Variants in NF1 observed in about 807,000 individuals in gnomAD.
The protein encoded by NF1 is neurofibromin.
Under a neutral mutation model 325.7 loss-of-function variants are expected in NF1, and 122 were observed. The ratio of observed to expected loss-of-function variants is 0.37; its 90% CI spans 0.32 to 0.44. The LOEUF (loss-of-function observed/expected upper bound fraction) is 0.44, where lower values mean the gene tolerates loss of function less well. Ranked by LOEUF, NF1 falls within the 20% of genes least tolerant of loss-of-function variation. NF1 has a pLI of 1.00. For missense variants in NF1, 2,140 were observed against 3,415.4 expected (o/e 0.63, Z 9.31); for synonymous variants, 1,091 against 1,186.0 (o/e 0.92, Z 1.65).
At position 31,226,415 on chromosome 17, in the gene NF1, C is replaced by T. The variant is rs763989407; in HGVS notation, c.2002-20C>T. 1.9e-6 allele frequency: 3 copies of T among 1,610,340 alleles called. No individual in the cohort carries two copies. The East Asian group carries it at 6.7e-5, about 36-fold the overall frequency. On this transcript the variant is annotated intron_variant, in intron 17 of 57. Coordinates refer to ENST00000358273, the MANE Select transcript of NF1 (RefSeq NM_001042492.3). ...AATTACCCAAGTTGCAAATATATGT[C>T]TTCCACCCTTGACTCTCAGGATAGT...
intron 5 of NF1, among the ~76,000 whole-genome samples, chr17:31,178,221 C>G (rs2066059679): frequency 6.6e-6 from 1 of 152,158 alleles, no homozygotes; most frequent in Non-Finnish European, 1.5e-5. Context: ...ATTCAACATT[C>G]TTAAAGAAAA....
intron 57 of NF1, among the ~76,000 whole-genome samples, chr17:31,372,602 C>T (rs1486839008): frequency 1.3e-5 from 2 of 152,140 alleles, no homozygotes; most frequent in Non-Finnish European, 2.9e-5. Context: ...TCACTACTTC[C>T]GCAAGGGTGA....
In NF1 at chr17:31,163,264, A is replaced by G. The variant is rs587781757; in HGVS notation, c.367A>G (p.Thr123Ala). The G allele has an allele frequency of 8.7e-6, 14 of 1,614,004 alleles. No homozygotes were observed. Among genetic ancestry groups the G allele is most frequent in the Admixed American group, 1.7e-5 (1 of 60,002 alleles). ...LLPEICHFLH[T>A]CREGNQHAAE... is the part of the protein sequence containing the mutation. Reference sequence around the variant, plus strand: ...GCCAGAAATCTGCCATTTTCTTCACACCTGTCGTGAAGGAAACCAGCATGC... The same window carrying G: ...GCCAGAAATCTGCCATTTTCTTCACGCCTGTCGTGAAGGAAACCAGCATGC... The change falls in exon 4 of 58, where the codon ACC becomes GCC. Residue 123 changes from threonine to alanine, a missense_variant. Thr to Ala is a moderately conservative substitution (Grantham distance 58, BLOSUM62 0). Coordinates refer to ENST00000358273, the MANE Select transcript of NF1 (RefSeq NM_001042492.3).
chr17:31,334,435 ACT>A (rs17879628), intron 39 of NF1, among the ~76,000 whole-genome samples: 45 of 152,296 alleles, frequency 3.0e-4, no homozygotes, highest in African/African-American at 1.1e-3. Context: ...ATGTACATTA[ACT>A]CTACATAAAT....
At chr17:31,111,612 G>A (rs1213893905) in intron 1 of NF1, among the ~76,000 whole-genome samples, 1 of 152,112 alleles carries the variant, frequency 6.6e-6, no homozygotes, top group African/African-American at 2.4e-5. Flanking sequence ...TTTTTTAAAT[G>A]TTGGCAAAAA....
At chr17:31,354,796 T>A (rs937883457) in intron 51 of NF1, among the ~76,000 whole-genome samples, 1 of 152,132 alleles carries the variant, frequency 6.6e-6, no homozygotes, top group East Asian at 1.9e-4. Flanking sequence ...GAGGCTGACC[T>A]GGGCAGCATA....
chr17:31,135,742 CA>C (rs1915716722), intron 1 of NF1, among the ~76,000 whole-genome samples: 1 of 151,304 alleles, frequency 6.6e-6, no homozygotes, highest in Non-Finnish European at 1.5e-5. Flanking sequence ...AATTAAAAAA[CA>C]TTTTTTTTTT....
chr17:31,200,719 G>C (rs1490474021), intron 9 of NF1, 124 bp downstream of exon 9: 13 of 1,140,878 alleles, frequency 1.1e-5, no homozygotes, highest in Non-Finnish European at 1.7e-5. Context: ...TAAGTTCATA[G>C]GACTTGCTTT....
At chr17:31,123,081 G>A (rs1245927540) in intron 1 of NF1, among the ~76,000 whole-genome samples, 1 of 152,148 alleles carries the variant, frequency 6.6e-6, no homozygotes, top group East Asian at 1.9e-4. Flanking sequence ...CTAGCGCATA[G>A]AATCTTTGCC....
chr17:31,183,031 G>A (rs2066166670), intron 8 of NF1: 2 of 518,788 alleles, frequency 3.9e-6, no homozygotes, highest in African/African-American at 1.9e-5. Context: ...ATGTACTTAG[G>A]GTATGTGTCC....
At chr17:31,095,464 G>A (rs2143148360) in intron 1 of NF1, 95 bp downstream of exon 1, 1 of 1,256,006 alleles carries the variant, frequency 8.0e-7, no homozygotes, top group Non-Finnish European at 1.1e-6. Flanking sequence ...CCCCGCGGCT[G>A]CCTCAGGCTC....
chr17:31,179,091 C>A (rs1430589750), intron 5 of NF1, among the ~76,000 whole-genome samples: 2 of 152,146 alleles, frequency 1.3e-5, no homozygotes, highest in African/African-American at 4.8e-5. Flanking sequence ...TGCACTTATT[C>A]CAAAATTGAC....
At chr17:31,305,957 C>G (rs1357341847) in intron 36 of NF1, among the ~76,000 whole-genome samples, 3 of 152,162 alleles carry the variant, frequency 2.0e-5, no homozygotes, top group Non-Finnish European at 2.9e-5. Flanking sequence ...TCATACTTCT[C>G]AAAACGCATA....
At chr17:31,100,947 C>G (rs1471856109) in intron 1 of NF1, among the ~76,000 whole-genome samples, 2 of 152,172 alleles carry the variant, frequency 1.3e-5, no homozygotes, top group East Asian at 3.8e-4. Context: ...CCTTATCTGT[C>G]TGGGAACTAA....
intron 36 of NF1, chr17:31,299,536 GT>G (rs570740564): frequency 2.0e-4 from 30 of 152,020 alleles, no homozygotes; most frequent in Middle Eastern, 6.8e-3. Context: ...ATTGTGAAAG[GT>G]ATCACAAAGC....
rs540108477 is a variant in NF1, at chr17:31,249,094, G to T, written c.4085G>T (p.Arg1362Leu). 6.2e-7 allele frequency: 1 copy of T among 1,614,000 alleles called. No individual in the cohort carries two copies. Among genetic ancestry groups the T allele is most frequent in the Non-Finnish European group, 8.5e-7 (1 of 1,179,958 alleles). Residue 1362 changes from arginine to leucine, a missense_variant, in exon 30 of 58, where the codon CGA (arginine) becomes CTA (leucine). By Grantham distance (102) the Arg-to-Leu change is moderately radical. Transcript: ENST00000358273. ...SSSSEFPPQL[R>L]SVCHCLYQAT... ...TCCTCAGAATTCCCCCCTCAACTTC[G>T]AAGTGTGTGCCACTGTTTATACCAG... is the stretch of plus-strand genomic sequence containing the variant.
intron 12 of NF1, among the ~76,000 whole-genome samples, chr17:31,212,667 G>A (rs1369742139): frequency 2.0e-5 from 3 of 152,234 alleles, no homozygotes; most frequent in South Asian, 2.1e-4. Flanking sequence ...CCGAGATCGC[G>A]CCACTGCACT....
intron 1 of NF1, among the ~76,000 whole-genome samples, chr17:31,109,002 A>G (rs1468593703): frequency 6.6e-6 from 1 of 152,238 alleles, no homozygotes; most frequent in Non-Finnish European, 1.5e-5. Context: ...TGCTTTACAA[A>G]GGTAAGATTT....
chr17:31,348,953 T>A lies in NF1; in HGVS notation c.7190-167T>A, dbSNP rs2525569. Among the ~76,000 whole-genome samples the A allele has an allele frequency of 0.49, 75,177 of 152,032 alleles. 20,585 individuals carry two copies. The highest frequency in any genetic ancestry group is 0.62 in the Non-Finnish European group (42,209 of 67,942). On this transcript the variant is annotated intron_variant, in intron 48 of 57. Transcript: ENST00000358273. The stretch of plus-strand genomic sequence containing the variant: ...TAATCTTATACATAATTAATTATTC[T>A]CATTCACATATGCATGTTTTACCTT...
Sources: allele counts gnomAD v4.1 joint callset (sites outside exome capture counted in the v4.1 genomes callset), GRCh38; gene constraint gnomAD v4.1.1; transcripts MANE v1.5; gene names NCBI Gene and HGNC (gene_info 2026-07-23, HGNC 2026-07-21).